Variants in SLC24A2 observed in about 807,000 individuals in gnomAD.
The protein encoded by SLC24A2 is sodium/potassium/calcium exchanger 2.
In SLC24A2, 36 loss-of-function variants were observed where a neutral mutation model predicts 62.0. The ratio of observed to expected loss-of-function variants is 0.58; its 90% CI spans 0.44 to 0.77. The LOEUF is 0.77. Among genes scored for constraint, SLC24A2 ranks in the 30% least tolerant of loss-of-function variants. The pLI is 0.00. For missense variants in SLC24A2, 846 were observed against 817.9 expected (o/e 1.03, Z -0.42); for synonymous variants, 358 against 294.0 (o/e 1.22, Z -2.23).
intron 8 of SLC24A2, among the ~76,000 whole-genome samples, chr9:19,546,022 A>C (rs1033442864): frequency 1.3e-5 from 2 of 152,144 alleles, no homozygotes; most frequent in East Asian, 3.9e-4. Flanking sequence ...CCTGGATATC[A>C]CCAGAGGAGG....
chr9:19,594,657 C>T lies in SLC24A2; in HGVS notation c.1129+2572G>A, dbSNP rs534215405. ...TCACAATTCTAAAATTGTGCAAATG[C>T]TTAACTGGAAGGGGTATTTCTCAAA... On this transcript the variant is annotated intron_variant, in intron 5 of 10. Transcript: ENST00000341998. Among the ~76,000 whole-genome samples the T allele has an allele frequency of 2.8e-4, 42 of 152,326 alleles. 1 individual carries two copies. The highest frequency in any genetic ancestry group is 9.9e-4 in the African/African-American group (41 of 41,570).
chr9:20,057,344 G>A, the SLC24A2 span, among the ~76,000 whole-genome samples: 2 of 152,138 alleles, frequency 1.3e-5, no homozygotes, highest in African/African-American at 4.8e-5. Flanking sequence ...TTTTACTGAT[G>A]TAAACTACGC....
the SLC24A2 span, among the ~76,000 whole-genome samples, chr9:20,032,049 A>G: frequency 1.3e-5 from 2 of 152,160 alleles, no homozygotes; most frequent in Admixed American, 1.3e-4. Flanking sequence ...AGGGACTCTG[A>G]CTATGCGTCT....
the SLC24A2 span, among the ~76,000 whole-genome samples, chr9:20,265,367 T>A: frequency 6.6e-6 from 1 of 152,204 alleles, no homozygotes; most frequent in South Asian, 2.1e-4. Flanking sequence ...GCTGAAACCA[T>A]GGCGGAAGAA....
At chr9:19,615,235 TC>T (rs1295975033) in intron 4 of SLC24A2, among the ~76,000 whole-genome samples, 3 of 152,280 alleles carry the variant, frequency 2.0e-5, no homozygotes, top group Admixed American at 2.0e-4. Flanking sequence ...TTTGAATAGT[TC>T]CCTTTTGAAC....
At chr9:19,577,310 G>A (rs1259745755) in intron 5 of SLC24A2, among the ~76,000 whole-genome samples, 1 of 70,556 alleles carries the variant, frequency 1.4e-5, no homozygotes, top group African/African-American at 3.8e-5. Context: ...TCCAAAACAG[G>A]TCTAGAGAAA....
the SLC24A2 span, among the ~76,000 whole-genome samples, chr9:19,886,926 A>G: frequency 5.3e-5 from 8 of 152,156 alleles, no homozygotes; most frequent in Non-Finnish European, 1.5e-5. Context: ...GCTGGCAGCC[A>G]TTATACTCAG....
At chr9:20,080,810 G>T in the SLC24A2 span, among the ~76,000 whole-genome samples, 1 of 151,560 alleles carries the variant, frequency 6.6e-6, no homozygotes, top group Non-Finnish European at 1.5e-5. Context: ...ATCAAAAAGT[G>T]GGCGAAGGAT....
the SLC24A2 span, among the ~76,000 whole-genome samples, chr9:20,298,360 C>G: frequency 6.6e-6 from 1 of 152,162 alleles, no homozygotes; most frequent in Non-Finnish European, 1.5e-5. Context: ...TCCCAAGTAG[C>G]CAGGATTACA....
the SLC24A2 span, among the ~76,000 whole-genome samples, chr9:19,964,245 G>C: frequency 2.0e-5 from 3 of 149,098 alleles, no homozygotes; most frequent in African/African-American, 7.4e-5. Context: ...GGGAGGGATA[G>C]CATGAGGAGA....
the SLC24A2 span, among the ~76,000 whole-genome samples, chr9:19,998,886 G>C: frequency 3.7e-4 from 57 of 152,162 alleles, no homozygotes; most frequent in Non-Finnish European, 7.5e-4. Context: ...CCTGATGATG[G>C]GGGACCTCAG....
chr9:19,531,908 C>G (rs1464727104), intron 8 of SLC24A2, among the ~76,000 whole-genome samples: 1 of 152,048 alleles, frequency 6.6e-6, no homozygotes, highest in Non-Finnish European at 1.5e-5. Flanking sequence ...AGCAAAGTAC[C>G]TCGCACATAA....
chr9:19,516,528 T>G, intron 10 of SLC24A2, 126 bp from the exon 11 acceptor site: 1 of 1,186,576 alleles, frequency 8.4e-7, no homozygotes, highest in Non-Finnish European at 1.2e-6. Flanking sequence ...GGTGTCTTGT[T>G]AGGTTCACTA....
intron 7 of SLC24A2, among the ~76,000 whole-genome samples, chr9:19,563,401 A>G (rs10811202): frequency 0.12 from 17,832 of 152,020 alleles, 1,121 homozygotes; most frequent in African/African-American, 0.17. Context: ...ATTATTTAGA[A>G]AGGCGACTTT....
chr9:19,921,215 T>C, the SLC24A2 span, among the ~76,000 whole-genome samples: 1 of 152,044 alleles, frequency 6.6e-6, no homozygotes, highest in Non-Finnish European at 1.5e-5. Flanking sequence ...AGTTTTACTA[T>C]CTTCACTAAG....
At chr9:20,099,552 T>A in the SLC24A2 span, among the ~76,000 whole-genome samples, 1 of 152,044 alleles carries the variant, frequency 6.6e-6, no homozygotes, top group Non-Finnish European at 1.5e-5. Flanking sequence ...AAAAAGTAGG[T>A]TCCAGGAGGA....
the SLC24A2 span, among the ~76,000 whole-genome samples, chr9:19,965,175 A>C: frequency 6.6e-6 from 1 of 152,070 alleles, no homozygotes; most frequent in Admixed American, 6.5e-5. Context: ...TACCATAACC[A>C]CTTGTATAAC....
At chr9:20,289,927 C>T in the SLC24A2 span, among the ~76,000 whole-genome samples, 1 of 152,104 alleles carries the variant, frequency 6.6e-6, no homozygotes. Flanking sequence ...TTCAAAAATT[C>T]AGAATTTAAA....
chr9:19,788,207 C>T (rs1823236246), intron 1 of SLC24A2, among the ~76,000 whole-genome samples: 2 of 152,332 alleles, frequency 1.3e-5, no homozygotes, highest in South Asian at 4.1e-4. Flanking sequence ...GCTGCTACTC[C>T]TGAGATAACC....
Sources: gnomAD v4.1 joint callset for allele counts (sites outside exome capture counted in the v4.1 genomes callset) on GRCh38, gnomAD v4.1.1 for gene constraint, MANE v1.5 for transcripts, NCBI Gene and HGNC (gene_info 2026-07-23, HGNC 2026-07-21) for gene names.